Variants in KIAA0930 observed in about 807,000 individuals in gnomAD.
The protein encoded by KIAA0930 is KIAA0930, also known as uncharacterized protein KIAA0930.
In KIAA0930, 24 loss-of-function variants were observed where a neutral mutation model predicts 43.9. The observed-to-expected ratio is 0.55, with a 90% confidence interval of 0.40 to 0.77. The LOEUF is 0.77. Among genes scored for constraint, KIAA0930 ranks in the 30% least tolerant of loss-of-function variants. The probability of loss-of-function intolerance (pLI) is 0.00; values close to 1 mark genes in which losing one functional copy is unlikely to be tolerated. For missense variants in KIAA0930, 461 were observed against 574.2 expected (o/e 0.80, Z 2.02); for synonymous variants, 259 against 216.4 (o/e 1.20, Z -1.73).
chr22:45,197,263 C>T (rs1027533841), intron 9 of KIAA0930, 47 bp from the exon 10 acceptor site: 15 of 1,521,176 alleles, frequency 9.9e-6, no homozygotes, highest in South Asian at 1.2e-5. Context: ...CCCTCAACAG[C>T]GGTGAGTGCT....
intron 1 of KIAA0930, among the ~76,000 whole-genome samples, chr22:45,233,372 T>C (rs2083866436): frequency 6.6e-6 from 1 of 151,892 alleles, no homozygotes; most frequent in Admixed American, 6.6e-5. Flanking sequence ...GAGGTTCAAG[T>C]GGAACGGGTA....
intron 1 of KIAA0930, among the ~76,000 whole-genome samples, chr22:45,215,532 G>T (rs1253740325): frequency 6.6e-6 from 1 of 152,190 alleles, no homozygotes; most frequent in African/African-American, 2.4e-5. Context: ...GACGACGAAA[G>T]GAAAGGACAC....
chr22:45,212,075 T>A lies in KIAA0930; in HGVS notation c.97A>T (p.Thr33Ser). Residue 33 changes from threonine to serine, a missense_variant, in exon 2 of 10, where the codon ACT becomes TCT. Physicochemically the swap from Thr to Ser is moderately conservative, Grantham distance 58. Coordinates refer to ENST00000336156, the MANE Select transcript of KIAA0930 (RefSeq NM_001009880.2). ...ATGAAGTAGGTGGAGAACATCCAAG[T>A]CCAGAAGACGATGCGGTCATCCTTG... The part of the protein sequence containing the change: ...CFKDDRIVFW[T>S]WMFSTYFMEK... The A allele has an allele frequency of 6.2e-7, 1 of 1,613,870 alleles. No homozygotes were observed. The highest frequency in any genetic ancestry group is 2.2e-5 in the East Asian group (1 of 44,876).
chr22:45,218,823 C>T (rs990446837), intron 1 of KIAA0930, among the ~76,000 whole-genome samples: 1 of 152,040 alleles, frequency 6.6e-6, no homozygotes, highest in Non-Finnish European at 1.5e-5. Flanking sequence ...GACCTCTCCC[C>T]TCCCCCAACT....
chr22:45,212,079 G>A lies in KIAA0930; in HGVS notation c.93C>T (p.Phe31=). ...AGTAGGTGGAGAACATCCAAGTCCA[G>A]AAGACGATGCGGTCATCCTTGAAGC... ...LGCFKDDRIV[F]WTWMFSTYFM... is the part of the protein sequence containing the mutation. Residue 31 remains phenylalanine (F), a synonymous_variant, in exon 2 of 10, where the codon TTC becomes TTT. Coordinates refer to ENST00000336156, the MANE Select transcript of KIAA0930 (RefSeq NM_001009880.2). 4 of 1,613,952 alleles carry A rather than the reference G, an allele frequency of 2.5e-6. No homozygotes were observed. Among genetic ancestry groups the A allele is most frequent in the Non-Finnish European group, 3.4e-6 (4 of 1,180,006 alleles).
chr22:45,205,227 C>T lies in KIAA0930; in HGVS notation c.506G>A (p.Ser169Asn), dbSNP rs759628738. The change falls in exon 5 of 10, where the codon AGC (serine) becomes AAC (asparagine). Residue 169 changes from serine (S) to asparagine (N), a missense_variant. Ser to Asn is a conservative substitution (Grantham distance 46, BLOSUM62 1). Transcript: ENST00000336156. ...CTGTGCAGAGCTCACCTCCTCGAAGCTGTCAATCATGAAGAAGATGTTGGG... is the reference window on the plus strand; with the variant it reads ...CTGTGCAGAGCTCACCTCCTCGAAGTTGTCAATCATGAAGAAGATGTTGGG... ...SYPNIFFMID[S>N]FEEVFSDMTV... 1.6e-5 allele frequency: 26 copies of T among 1,613,652 alleles called. No individual in the cohort carries two copies. The South Asian group carries it at 2.9e-4, about 18-fold the overall frequency.
chr22:45,200,744 C>T (rs1446377141), intron 7 of KIAA0930, among the ~76,000 whole-genome samples: 1 of 152,246 alleles, frequency 6.6e-6, no homozygotes, highest in Admixed American at 6.5e-5. Flanking sequence ...CATTGCAGGT[C>T]CCTGCCCTCA....
intron 1 of KIAA0930, chr22:45,212,344 G>A (rs2083702583): frequency 6.2e-7 from 1 of 1,610,126 alleles, no homozygotes; most frequent in Admixed American, 1.7e-5. Flanking sequence ...GAGAGCCCAT[G>A]CTCCCAGCCC....
chr22:45,237,888 C>T (rs1474909534), intron 1 of KIAA0930, among the ~76,000 whole-genome samples: 2 of 151,562 alleles, frequency 1.3e-5, no homozygotes, highest in Non-Finnish European at 2.9e-5. Flanking sequence ...GCTCACCCCT[C>T]GCTGAACATC....
At chr22:45,224,795 A>G (rs1215612674) in intron 1 of KIAA0930, among the ~76,000 whole-genome samples, 1 of 152,108 alleles carries the variant, frequency 6.6e-6, no homozygotes, top group Non-Finnish European at 1.5e-5. Flanking sequence ...TGAGGCCAGG[A>G]TGGTGGATCA....
intron 1 of KIAA0930, among the ~76,000 whole-genome samples, chr22:45,236,474 C>T (rs1055227442): frequency 6.6e-6 from 1 of 152,100 alleles, no homozygotes; most frequent in African/African-American, 2.4e-5. Context: ...ACTACGCTGT[C>T]CACAAACCCC....
At position 45,230,244 on chromosome 22, in the gene KIAA0930, C is replaced by A. The variant is rs889483309; in HGVS notation, c.64+10396G>T. 2.0e-5 allele frequency among the ~76,000 whole-genome samples: 3 copies of A among 152,154 alleles called. No homozygotes were observed. In the East Asian group the frequency reaches 5.8e-4, roughly 29 times the overall value. Reference sequence around the variant, plus strand: ...GGGAGAGCAGACACAGGGCGGGCAGCGAGTCACGTCTTGGTCAGGCTGAGC... The same window carrying A: ...GGGAGAGCAGACACAGGGCGGGCAGAGAGTCACGTCTTGGTCAGGCTGAGC... On this transcript the variant is annotated intron_variant, in intron 1 of 9. Coordinates refer to ENST00000336156, the MANE Select transcript of KIAA0930 (RefSeq NM_001009880.2).
rs2147732583 is a variant in KIAA0930, at chr22:45,197,837, T to C, written c.1127A>G (p.Tyr376Cys). 1.9e-6 allele frequency: 3 copies of C among 1,614,184 alleles called. No homozygotes were observed. The highest frequency in any genetic ancestry group is 1.3e-5 in the African/African-American group (1 of 75,050). ...LNRADGNFLLYAHLTYVTLPL... is the reference protein window; with the variant it reads ...LNRADGNFLLCAHLTYVTLPL... ...CAACGTGACGTAGGTTAAGTGTGCA[T>C]AGAGAAGGAAGTTTCCATCTGCTCT... Residue 376 changes from tyrosine (Y) to cysteine (C), a missense_variant, in exon 9 of 10, where the codon TAT becomes TGT. By Grantham distance (194) the Tyr-to-Cys change is radical. Coordinates refer to ENST00000336156, the MANE Select transcript of KIAA0930 (RefSeq NM_001009880.2).
chr22:45,211,810 C>G, intron 2 of KIAA0930, 146 bp downstream of exon 2: 1 of 838,656 alleles, frequency 1.2e-6, no homozygotes, highest in South Asian at 1.6e-5. Flanking sequence ...TACACAGTTC[C>G]TGGAATACAG....
At chr22:45,201,939 G>C (rs936894634) in intron 7 of KIAA0930, among the ~76,000 whole-genome samples, 2 of 152,204 alleles carry the variant, frequency 1.3e-5, no homozygotes, top group Non-Finnish European at 2.9e-5. Context: ...AACTACTGCA[G>C]CTGCCACCTG....
intron 2 of KIAA0930, among the ~76,000 whole-genome samples, 197 bp from the exon 3 acceptor site, chr22:45,206,109 G>A (rs1009356971): frequency 2.0e-5 from 3 of 152,170 alleles, no homozygotes; most frequent in Non-Finnish European, 2.9e-5. Context: ...TCAACCTCCT[G>A]GGCTCAAATG....
chr22:45,199,593 G>A (rs2083568571), intron 8 of KIAA0930, among the ~76,000 whole-genome samples: 1 of 152,172 alleles, frequency 6.6e-6, no homozygotes, highest in Admixed American at 6.5e-5. Context: ...TAGAAAGGTG[G>A]GAAATCCCCT....
At chr22:45,229,014 A>C (rs145437907) in intron 1 of KIAA0930, among the ~76,000 whole-genome samples, 3 of 7,142 alleles carry the variant, frequency 4.2e-4, no homozygotes, top group Non-Finnish European at 6.6e-4. Context: ...ACACCACCAA[A>C]CACTCACCCG....
intron 1 of KIAA0930, among the ~76,000 whole-genome samples, chr22:45,231,520 T>C (rs2083853495): frequency 6.6e-6 from 1 of 152,080 alleles, no homozygotes; most frequent in Admixed American, 6.5e-5. Context: ...ACAATCAGCC[T>C]GTACCTGCCT....
Sources: gnomAD v4.1 joint callset for allele counts (sites outside exome capture counted in the v4.1 genomes callset) on GRCh38, gnomAD v4.1.1 for gene constraint, MANE v1.5 for transcripts, NCBI Gene and HGNC (gene_info 2026-07-23, HGNC 2026-07-21) for gene names.